Variants in RGS6 observed in about 807,000 individuals in gnomAD.
The protein encoded by RGS6 is regulator of G-protein signaling 6.
Under a neutral mutation model 78.5 loss-of-function variants are expected in RGS6, and 30 were observed. The ratio of observed to expected loss-of-function variants is 0.38; its 90% CI spans 0.29 to 0.52. The LOEUF (loss-of-function observed/expected upper bound fraction) is 0.52. Ranked by LOEUF, RGS6 falls within the 20% of genes least tolerant of loss-of-function variation. The pLI, the probability that RGS6 is intolerant of heterozygous loss-of-function variation, is 0.85. For missense variants in RGS6, 495 were observed against 609.7 expected, an observed-to-expected ratio of 0.81 and a Z score of 1.98; for synonymous variants, 206 against 206.0, an observed-to-expected ratio of 1.00 and a Z score of 0.00.
chr14:72,477,608 A>G (rs2096270614), intron 11 of RGS6, among the ~76,000 whole-genome samples: 1 of 152,012 alleles, frequency 6.6e-6, no homozygotes, highest in Non-Finnish European at 1.5e-5. Flanking sequence ...CAGGCTGACC[A>G]ATATGATGAA....
intron 2 of RGS6, among the ~76,000 whole-genome samples, chr14:72,108,794 C>G (rs1298245152): frequency 1.3e-5 from 2 of 151,832 alleles, no homozygotes; most frequent in Non-Finnish European, 2.9e-5. Flanking sequence ...TCCTTCATGT[C>G]TAGCGTGTTT....
chr14:72,129,512 G>T (rs1193227984), intron 2 of RGS6, among the ~76,000 whole-genome samples: 1 of 152,148 alleles, frequency 6.6e-6, no homozygotes, highest in Non-Finnish European at 1.5e-5. Flanking sequence ...ACACTTAGTG[G>T]CTTATAACAG....
intron 2 of RGS6, among the ~76,000 whole-genome samples, chr14:72,261,480 C>T (rs1266539820): frequency 2.6e-5 from 4 of 151,994 alleles, no homozygotes; most frequent in African/African-American, 9.7e-5. Flanking sequence ...TCTTAGTTTC[C>T]ATAAATAAGG....
At chr14:71,876,473 CTTTTTTTTTTTTT>C in the RGS6 span, among the ~76,000 whole-genome samples, 2 of 72,470 alleles carry the variant, frequency 2.8e-5, no homozygotes, top group African/African-American at 6.1e-5. Context: ...GCAACCGCTG[CTTTTTTTTTTTTT>C]TTTTTTTTTT....
Position 72,250,804 on chromosome 14 carries a change from G to C in RGS6, c.85-101291G>C, listed in dbSNP as rs141853241. ...AAAGTCCCTAGTCTTTAAGTGTGTG[G>C]ATTCAATCATTTATTCATTTTTCTT... On this transcript the variant is annotated intron_variant, in intron 2 of 17. Coordinates refer to ENST00000553525, the MANE Select transcript of RGS6 (RefSeq NM_001204424.2). 3.5e-3 allele frequency among the ~76,000 whole-genome samples: 530 copies of C among 152,280 alleles called. 3 individuals are homozygous for C. The highest frequency in any genetic ancestry group is 0.011 in the African/African-American group (475 of 41,546).
intron 2 of RGS6, among the ~76,000 whole-genome samples, chr14:72,067,269 C>T (rs1199328577): frequency 6.6e-6 from 1 of 152,036 alleles, no homozygotes; most frequent in African/African-American, 2.4e-5. Context: ...AATGAGAACA[C>T]GTGGATGCAG....
chr14:72,352,867 A>T (rs2079390543), intron 3 of RGS6, among the ~76,000 whole-genome samples: 2 of 152,136 alleles, frequency 1.3e-5, no homozygotes, highest in Admixed American at 1.3e-4. Flanking sequence ...TTTTCTTCAT[A>T]GTTTTACTAC....
At chr14:71,926,100 T>C in the RGS6 span, among the ~76,000 whole-genome samples, 4 of 152,212 alleles carry the variant, frequency 2.6e-5, no homozygotes, top group African/African-American at 9.6e-5. Context: ...CAAAGTGATA[T>C]ACAGATTCAG....
rs575457005 is a variant in RGS6 at position 72,333,769 on chromosome 14, A to T, written c.85-18326A>T. 2.8e-4 allele frequency among the ~76,000 whole-genome samples: 42 copies of T among 152,198 alleles called. No homozygotes were observed. The South Asian group carries it at 8.5e-3, about 31-fold the overall frequency. On this transcript the variant is annotated intron_variant, in intron 2 of 17. Transcript: ENST00000553525. ...TGGGGAGGCCAGCACCTTTGTTGTC[A>T]TACTTCCCAAAACCCTCCATCCCCT...
chr14:72,505,827 G>C (rs28408870), intron 13 of RGS6, among the ~76,000 whole-genome samples: 2,072 of 152,320 alleles, frequency 0.014, 43 homozygotes, highest in African/African-American at 0.047. Context: ...TACACCATGT[G>C]TAGCACTATG....
chr14:72,044,398 ACAGG>A (rs1596519127), intron 2 of RGS6, among the ~76,000 whole-genome samples: 1 of 152,326 alleles, frequency 6.6e-6, no homozygotes, highest in East Asian at 1.9e-4. Flanking sequence ...CCCAATATTG[ACAGG>A]CACCATTCAG....
upstream of RGS6, among the ~76,000 whole-genome samples, chr14:71,930,330 A>G (rs762214549): frequency 3.9e-5 from 6 of 152,074 alleles, no homozygotes; most frequent in Non-Finnish European, 8.8e-5. Flanking sequence ...TCTTTGCTCA[A>G]TTCCCTAGCA....
At chr14:72,568,971 G>T (rs2097717119), downstream of RGS6, among the ~76,000 whole-genome samples, 1 of 152,204 alleles carries the variant, frequency 6.6e-6, no homozygotes, top group African/African-American at 2.4e-5. Flanking sequence ...GTTAGGAAGG[G>T]GTAGGAGGGA....
the RGS6 span, among the ~76,000 whole-genome samples, chr14:72,586,136 A>G: frequency 6.6e-6 from 1 of 152,048 alleles, no homozygotes; most frequent in African/African-American, 2.4e-5. Context: ...CCCCACTCCT[A>G]TCTCTGGACT....
intron 3 of RGS6, 117 bp downstream of exon 3, chr14:72,352,311 T>C: frequency 1.5e-6 from 1 of 677,498 alleles, no homozygotes; most frequent in South Asian, 2.1e-5. Context: ...AAACATTCAG[T>C]GTGTTTCTTG....
At chr14:72,333,963 C>G (rs1190561936) in intron 2 of RGS6, among the ~76,000 whole-genome samples, 1 of 152,200 alleles carries the variant, frequency 6.6e-6, no homozygotes, top group African/African-American at 2.4e-5. Context: ...GTCAGAAGTT[C>G]TCAAGTGGAA....
chr14:72,533,463 G>A (rs188118448), intron 15 of RGS6, among the ~76,000 whole-genome samples: 79 of 152,356 alleles, frequency 5.2e-4, no homozygotes, highest in African/African-American at 1.8e-3. Context: ...GGATCAAGAA[G>A]TAATTTCAAC....
intron 2 of RGS6, among the ~76,000 whole-genome samples, chr14:72,044,897 C>CA (rs1177670490): frequency 6.6e-6 from 1 of 151,848 alleles, no homozygotes; most frequent in Admixed American, 6.6e-5. Context: ...ACCAAACTAA[C>CA]AAAAAAACCC....
chr14:71,969,928 C>T (rs890556590), intron 2 of RGS6, among the ~76,000 whole-genome samples: 1 of 152,120 alleles, frequency 6.6e-6, no homozygotes, highest in Non-Finnish European at 1.5e-5. Context: ...GTTTAAAGGT[C>T]TTTTGAGCTT....
Sources: allele counts gnomAD v4.1 joint callset (sites outside exome capture counted in the v4.1 genomes callset), GRCh38; gene constraint gnomAD v4.1.1; transcripts MANE v1.5; gene names NCBI Gene and HGNC (gene_info 2026-07-23, HGNC 2026-07-21).